The following ZNF641 variants were observed in gnomAD, a reference collection of about 807,000 sequenced individuals.
ZNF641 encodes the protein zinc finger protein 641.
A neutral mutation model predicts 46.2 loss-of-function variants in ZNF641; 26 were observed. The ratio of observed to expected loss-of-function variants is 0.56; its 90% CI spans 0.41 to 0.78. The LOEUF is 0.78. ZNF641 is among the 30% of genes least tolerant of loss of function. ZNF641 has a pLI of 0.00. For missense variants in ZNF641, 469 were observed against 517.8 expected, an observed-to-expected ratio of 0.91 and a Z score of 0.91; for synonymous variants, 163 against 187.9, an observed-to-expected ratio of 0.87 and a Z score of 1.09.
intron 2 of ZNF641, 44 bp downstream of exon 2, chr12:48,347,863 G>T (rs1285659927): frequency 6.3e-7 from 1 of 1,577,604 alleles, no homozygotes; most frequent in East Asian, 2.2e-5. Flanking sequence ...ATAAATATTA[G>T]GAGACTATGC....
At position 48,343,656 on chromosome 12, in the gene ZNF641, A is replaced by G. The variant is rs1952783004; in HGVS notation, c.592T>C (p.Ser198Pro). 4.5e-6 allele frequency: 7 copies of G among 1,571,508 alleles called. No homozygotes were observed. The highest frequency in any genetic ancestry group is 6.0e-6 in the Non-Finnish European group (7 of 1,159,674). ...GGGTTCCAGAGAACAGTATCTTCAG[A>G]CACGCTGGATAACATTCTGGGAGGT... is the stretch of plus-strand genomic sequence containing the variant. Reference protein sequence around the residue: ...AEPPRMLSSVSEDTVLWNPEH... With the variant: ...AEPPRMLSSVPEDTVLWNPEH... Residue 198 changes from serine (S) to proline (P), a missense_variant, in exon 6 of 6, where the codon TCT becomes CCT. Ser to Pro is a moderately conservative substitution (Grantham distance 74). Around this residue, in one of 3 missense-constraint regions of ZNF641, gnomAD observed 346 missense variants for 354.0 expected, o/e 0.98. Coordinates refer to ENST00000547026, the MANE Select transcript of ZNF641 (RefSeq NM_001172681.2).
chr12:48,342,357 T>C lies in ZNF641; in HGVS notation c.*616A>G. 1.0e-6 allele frequency: 1 copy of C among 985,736 alleles called. No homozygotes were observed. The highest frequency in any genetic ancestry group is 1.2e-6 in the Non-Finnish European group (1 of 830,216). The allele number at this position is 985,736 out of a possible 1,614,324, so 61.1% of individuals were successfully genotyped here. On this transcript the variant is annotated 3_prime_UTR_variant, in exon 6 of 6. Transcript: ENST00000547026. ...AGGTCTGGCCCCCCTGGCTTTCATA[T>C]GGATAAAAAAGGGGGCTCTGGATGC...
chr12:48,341,765 T>A lies in ZNF641; in HGVS notation c.*1208A>T. 1 of 985,420 alleles carries A rather than the reference T, an allele frequency of 1.0e-6. No homozygotes were observed. The highest frequency in any genetic ancestry group is 1.2e-6 in the Non-Finnish European group (1 of 829,948). The allele number at this position is 985,420 out of a possible 1,614,324, so 61.0% of individuals were successfully genotyped here. On this transcript the variant is annotated 3_prime_UTR_variant, in exon 6 of 6. Transcript: ENST00000547026. ...AGAAACAGCTCACCTCCCCAAAGAC[T>A]CCTCTTTCTCTGCCAGGGCAAAAGC...
Position 48,343,433 on chromosome 12 carries a change from T to G in ZNF641, c.815A>C (p.His272Pro). 1 of 1,614,100 alleles carries G rather than the reference T, an allele frequency of 6.2e-7. No individual in the cohort carries two copies. Among genetic ancestry groups the G allele is most frequent in the Non-Finnish European group, 8.5e-7 (1 of 1,179,950 alleles). The change falls in exon 6 of 6, where the codon CAC becomes CCC. Residue 272 changes from histidine (H) to proline (P), a missense_variant. Transcript: ENST00000547026. ...GCAGCTGTAGGGTCTCTCCCCAGTG[T>G]GTGTTTGTTGATGCCTGGCAAGGTG... ...GSHLARHQQT[H>P]TGERPYSCLK...
Position 48,342,331 on chromosome 12 carries a change from A to G in ZNF641, c.*642T>C. On this transcript the variant is annotated 3_prime_UTR_variant, in exon 6 of 6. Transcript: ENST00000547026. ...AAGGAAGACAGACCCACACATGAAC[A>G]AGGTCTGGCCCCCCTGGCTTTCATA... is the stretch of plus-strand genomic sequence containing the variant. 1.0e-6 allele frequency: 1 copy of G among 985,780 alleles called. No individual in the cohort carries two copies. The highest frequency in any genetic ancestry group is 1.2e-6 in the Non-Finnish European group (1 of 830,256). 61.1% of individuals were successfully genotyped at this position (985,780 alleles called of 1,614,324 possible).
chr12:48,347,837 T>TA, intron 2 of ZNF641, 70 bp downstream of exon 2: 1 of 1,489,400 alleles, frequency 6.7e-7, no homozygotes, highest in Non-Finnish European at 9.2e-7. Context: ...TGGAGATTTT[T>TA]AACCCTACTT....
At position 48,342,672 on chromosome 12, in the gene ZNF641, A is replaced by C; in HGVS notation, c.*301T>G. On this transcript the variant is annotated 3_prime_UTR_variant, in exon 6 of 6. Coordinates refer to ENST00000547026, the MANE Select transcript of ZNF641 (RefSeq NM_001172681.2). Reference sequence around the variant, plus strand: ...GGTATAGCATAGACTCCAACCAATCAGAATGGATTTCAGCCATAAACTGCC... The same window carrying C: ...GGTATAGCATAGACTCCAACCAATCCGAATGGATTTCAGCCATAAACTGCC... The C allele has an allele frequency of 2.6e-6, 2 of 756,056 alleles. No homozygotes were observed. Among genetic ancestry groups the C allele is most frequent in the Non-Finnish European group, 1.8e-6 (1 of 551,710 alleles). 46.8% of individuals were successfully genotyped at this position (756,056 alleles called of 1,614,324 possible).
Position 48,338,334 on chromosome 12 carries a change from T to G in ZNF641, c.*4639A>C, listed in dbSNP as rs1184660850. The G allele has an allele frequency of 6.6e-6, 1 of 152,078 alleles. No individual in the cohort carries two copies. The highest frequency in any genetic ancestry group is 1.5e-5 in the Non-Finnish European group (1 of 68,028). 9.4% of individuals were successfully genotyped at this position (152,078 alleles called of 1,614,324 possible). A position where few individuals can be genotyped will look rare whatever the true frequency, so the allele number is the denominator to read the frequency against. On this transcript the variant is annotated 3_prime_UTR_variant, in exon 6 of 6. Transcript: ENST00000547026. ...CAAAACTCAAACAAACAAAAAAATC[T>G]GAAAAAGAGTATGAACAAATTGTAG...
intron 5 of ZNF641, 48 bp downstream of exon 5, chr12:48,344,551 G>T: frequency 8.2e-7 from 1 of 1,222,834 alleles, no homozygotes; most frequent in Non-Finnish European, 1.2e-6. Context: ...GAATGATGAT[G>T]TCCCGAACTG....
downstream of ZNF641, among the ~76,000 whole-genome samples, chr12:48,336,804 G>C (rs895865588): frequency 6.6e-6 from 1 of 152,212 alleles, no homozygotes; most frequent in African/African-American, 2.4e-5. Context: ...TTCAAGAGCA[G>C]GGTCAGCCCT....
chr12:48,335,198 C>G (rs1002455737), downstream of ZNF641, among the ~76,000 whole-genome samples: 1 of 152,212 alleles, frequency 6.6e-6, no homozygotes, highest in Non-Finnish European at 1.5e-5. Context: ...TCTGACAACC[C>G]ACTTTTGAGT....
rs925432046 is a variant in ZNF641 at position 48,350,801 on chromosome 12, C to G, written c.-41G>C. On this transcript the variant is annotated 5_prime_UTR_variant, in exon 1 of 6. Transcript: ENST00000547026. Reference sequence around the variant, plus strand: ...CTCCACTCACCCCCGGTAGGCTTGGCCCGCGGCCCGGTGCCTCCCTCCCGG... The same window carrying G: ...CTCCACTCACCCCCGGTAGGCTTGGGCCGCGGCCCGGTGCCTCCCTCCCGG... 13 of 984,060 alleles carry G rather than the reference C, an allele frequency of 1.3e-5. No individual in the cohort carries two copies. The East Asian group carries it at 1.4e-3, about 103-fold the overall frequency. 61.0% of individuals were successfully genotyped at this position (984,060 alleles called of 1,614,324 possible).
At chr12:48,335,463 T>C (rs1952597370), downstream of ZNF641, among the ~76,000 whole-genome samples, 1 of 152,244 alleles carries the variant, frequency 6.6e-6, no homozygotes, top group South Asian at 2.1e-4. Flanking sequence ...TGTTTTATGA[T>C]GGTTTCTTCA....
intron 5 of ZNF641, 137 bp from the exon 6 acceptor site, chr12:48,343,864 TGTC>T: frequency 1.3e-6 from 1 of 798,108 alleles, no homozygotes; most frequent in South Asian, 2.3e-5. Flanking sequence ...CATAGTCTAA[TGTC>T]GTACAAGACA....
intron 5 of ZNF641, 24 bp from the exon 6 acceptor site, chr12:48,343,751 C>A: frequency 1.4e-6 from 2 of 1,448,860 alleles, no homozygotes; most frequent in South Asian, 3.0e-5. Flanking sequence ...GAAATACCAA[C>A]CCCAAGAGAA....
In ZNF641 at chr12:48,342,616, G is replaced by T. The variant is rs1301773386; in HGVS notation, c.*357C>A. 3 of 411,198 alleles carry T rather than the reference G, an allele frequency of 7.3e-6. No individual in the cohort carries two copies. The highest frequency in any genetic ancestry group is 8.9e-5 in the East Asian group (1 of 11,192). The allele number at this position is 411,198 out of a possible 1,614,324, so 25.5% of individuals were successfully genotyped here. On this transcript the variant is annotated 3_prime_UTR_variant, in exon 6 of 6. Transcript: ENST00000547026. ...AGAGAAAATATAATAGTAACAGTAT[G>T]CAAGAGTGATACTCAAAATGTTTAA...
chr12:48,343,174 G>C lies in ZNF641; in HGVS notation c.1074C>G (p.His358Gln). The stretch of plus-strand genomic sequence containing the variant: ...AGCTCTTCCCACATTCAGTGCACAC[G>C]TGACACTTTGGCACTGGTGGGGCAC... ...RQRAPPVPKC[H>Q]VCTECGKSFG... is the part of the protein sequence containing the mutation. Residue 358 changes from histidine to glutamine, a missense_variant, in exon 6 of 6, where the codon CAC (histidine) becomes CAG (glutamine). Around this residue, in one of 3 missense-constraint regions of ZNF641, gnomAD observed 346 missense variants for 354.0 expected, o/e 0.98. Coordinates refer to ENST00000547026, the MANE Select transcript of ZNF641 (RefSeq NM_001172681.2). The C allele has an allele frequency of 6.2e-7, 1 of 1,614,212 alleles. No individual in the cohort carries two copies. The highest frequency in any genetic ancestry group is 8.5e-7 in the Non-Finnish European group (1 of 1,180,010).
In ZNF641 at chr12:48,340,011, T is replaced by C. The variant is rs1952682569; in HGVS notation, c.*2962A>G. On this transcript the variant is annotated 3_prime_UTR_variant, in exon 6 of 6. Transcript: ENST00000547026. ...GTTCCTGAAGATGATATCCCTGTTT[T>C]ACATTTTGCCCAAAGAGAACACAGA... is the stretch of plus-strand genomic sequence containing the variant. The C allele has an allele frequency of 1.0e-6, 1 of 985,348 alleles. No individual in the cohort carries two copies. The highest frequency in any genetic ancestry group is 4.7e-5 in the South Asian group (1 of 21,286). The allele number at this position is 985,348 out of a possible 1,614,324, so 61.0% of individuals were successfully genotyped here. A position where few individuals can be genotyped will look rare whatever the true frequency, so the allele number is the denominator to read the frequency against.
downstream of ZNF641, among the ~76,000 whole-genome samples, chr12:48,335,903 C>A (rs940139291): frequency 6.6e-6 from 1 of 152,148 alleles, no homozygotes; most frequent in Admixed American, 6.5e-5. Flanking sequence ...ATTGAATGAC[C>A]CTGACCTCAA....
Sources: allele counts gnomAD v4.1 joint callset (sites outside exome capture counted in the v4.1 genomes callset), GRCh38; gene constraint gnomAD v4.1.1; regional missense constraint gnomAD v4.1.1; transcripts MANE v1.5; gene names NCBI Gene and HGNC (gene_info 2026-07-23, HGNC 2026-07-21).